The following TRIM66 variants were observed in gnomAD, a reference collection of about 807,000 sequenced individuals.
TRIM66 encodes tripartite motif containing 66, also known as tripartite motif-containing protein 66.
In TRIM66, 99 loss-of-function variants were observed where a neutral mutation model predicts 148.2. The observed-to-expected ratio is 0.67, with a 90% CI of 0.57 to 0.79. TRIM66 has a LOEUF of 0.79. Among genes scored for constraint, TRIM66 ranks in the 30% least tolerant of loss-of-function variants. The probability of loss-of-function intolerance (pLI) is 0.00; values close to 1 mark genes in which losing one functional copy is unlikely to be tolerated. For missense variants in TRIM66, 1,666 were observed against 1,697.9 expected (o/e 0.98, Z 0.33); for synonymous variants, 616 against 635.9 (o/e 0.97, Z 0.47).
intron 19 of TRIM66, 89 bp from the exon 20 acceptor site, chr11:8,621,410 C>G: frequency 6.9e-7 from 1 of 1,449,412 alleles, no homozygotes; most frequent in Non-Finnish European, 9.1e-7. Flanking sequence ...GCCCTGCATG[C>G]CTACATGAGA....
chr11:8,669,167 A>G (rs144768160), intron 6 of TRIM66, among the ~76,000 whole-genome samples: 4 of 152,312 alleles, frequency 2.6e-5, no homozygotes, highest in Non-Finnish European at 5.9e-5. Context: ...TTTGGTCCAA[A>G]GCATAGACTG....
At chr11:8,650,481 A>AAGGGAAGGAGGG (rs1243696324) in intron 7 of TRIM66, among the ~76,000 whole-genome samples, 10 of 143,190 alleles carry the variant, frequency 7.0e-5, no homozygotes, top group Admixed American at 2.8e-4. Context: ...GGGAAGGAGG[A>AAGGGAAGGAGGG]AGGGAAGGAG....
chr11:8,622,109 G>C (rs2034284153), intron 18 of TRIM66, among the ~76,000 whole-genome samples: 1 of 151,604 alleles, frequency 6.6e-6, no homozygotes, highest in Non-Finnish European at 1.5e-5. Flanking sequence ...GGAGAGACTG[G>C]CCTAGCCTCC....
intron 14 of TRIM66, 93 bp from the exon 15 acceptor site, chr11:8,638,908 G>GT: frequency 1.5e-6 from 2 of 1,322,534 alleles, no homozygotes; most frequent in Non-Finnish European, 2.0e-6. Context: ...ACCCTGCCAT[G>GT]TGCATCATCA....
At chr11:8,644,293 A>C in intron 12 of TRIM66, 1 of 369,860 alleles carries the variant, frequency 2.7e-6, no homozygotes, top group Admixed American at 3.6e-5. Context: ...GTGATTATGA[A>C]TTTCAGCAGC....
intron 6 of TRIM66, among the ~76,000 whole-genome samples, chr11:8,657,999 C>T (rs16938564): frequency 0.032 from 4,934 of 152,332 alleles, 250 homozygotes; most frequent in African/African-American, 0.11. Context: ...GCTTACCAAG[C>T]GCCCAGGAAC....
chr11:8,622,365 C>CACACACACACACATAT, intron 18 of TRIM66, among the ~76,000 whole-genome samples: 5 of 59,610 alleles, frequency 8.4e-5, no homozygotes, highest in Non-Finnish European at 1.2e-4. Context: ...CACACACACA[C>CACACACACACACATAT]ATATATATAT....
intron 19 of TRIM66, 39 bp downstream of exon 19, chr11:8,621,606 T>C: frequency 1.4e-6 from 2 of 1,478,324 alleles, no homozygotes; most frequent in Non-Finnish European, 1.8e-6. Context: ...GCTCTTAGGC[T>C]GGGCCAGGGT....
At chr11:8,656,295 TCA>T (rs2037823423) in intron 6 of TRIM66, among the ~76,000 whole-genome samples, 1 of 152,266 alleles carries the variant, frequency 6.6e-6, no homozygotes, top group African/African-American at 2.4e-5. Context: ...CATATTTAAA[TCA>T]CACTGCACAT....
At chr11:8,627,761 G>A (rs1227899544) in intron 15 of TRIM66, among the ~76,000 whole-genome samples, 1 of 152,186 alleles carries the variant, frequency 6.6e-6, no homozygotes, top group Non-Finnish European at 1.5e-5. Context: ...CCTTGCTAAA[G>A]TCACTCTGGG....
At chr11:8,678,019 G>C (rs1267317247) in intron 3 of TRIM66, 1 of 152,154 alleles carries the variant, frequency 6.6e-6, no homozygotes, top group Non-Finnish European at 1.5e-5. Flanking sequence ...AACCCCCAAG[G>C]CTAGGGAGGT....
intron 21 of TRIM66, 126 bp from the exon 22 acceptor site, chr11:8,620,250 A>T: frequency 7.7e-7 from 1 of 1,304,786 alleles, no homozygotes; most frequent in Non-Finnish European, 1.1e-6. Context: ...ACTAAGGCAC[A>T]ATTCAGGTTC....
chr11:8,628,636 A>AAAGAGAGAGAG (rs1555042270), intron 15 of TRIM66, among the ~76,000 whole-genome samples: 2 of 93,394 alleles, frequency 2.1e-5, no homozygotes, highest in Non-Finnish European at 4.7e-5. Context: ...AAAAAAAAAA[A>AAAGAGAGAGAG]AGAGAGAGAA....
At chr11:8,637,950 G>T (rs2036033628) in intron 15 of TRIM66, among the ~76,000 whole-genome samples, 1 of 152,220 alleles carries the variant, frequency 6.6e-6, no homozygotes. Flanking sequence ...TTGAGGATTT[G>T]TGGGGTTCTG....
At chr11:8,650,756 G>C (rs912584328) in intron 7 of TRIM66, among the ~76,000 whole-genome samples, 58 of 152,314 alleles carry the variant, frequency 3.8e-4, no homozygotes, top group Middle Eastern at 3.4e-3. Flanking sequence ...GGAAACACTT[G>C]AGCTGGATAC....
At chr11:8,624,245 G>A (rs2034586925) in intron 17 of TRIM66, 114 bp downstream of exon 17, 3 of 1,189,438 alleles carry the variant, frequency 2.5e-6, no homozygotes, top group African/African-American at 1.6e-5. Context: ...GCCTCAGAGA[G>A]ATGCACTGCT....
At chr11:8,622,042 G>A (rs1352508957) in intron 18 of TRIM66, among the ~76,000 whole-genome samples, 2 of 151,976 alleles carry the variant, frequency 1.3e-5, no homozygotes, top group Non-Finnish European at 2.9e-5. Context: ...CCTTAATTGG[G>A]TGGGCACCAT....
chr11:8,671,754 G>T, intron 6 of TRIM66, 32 bp downstream of exon 6: 1 of 932,222 alleles, frequency 1.1e-6, no homozygotes, highest in Non-Finnish European at 1.7e-6. Flanking sequence ...GTTATGTAGT[G>T]GGAGGTGAAC....
intron 15 of TRIM66, among the ~76,000 whole-genome samples, chr11:8,638,171 C>T (rs1343110699): frequency 6.6e-6 from 1 of 152,152 alleles, no homozygotes; most frequent in Admixed American, 6.5e-5. Flanking sequence ...AAAATATTTT[C>T]CCCATCTTCA....
Sources: allele counts gnomAD v4.1 joint callset (sites outside exome capture counted in the v4.1 genomes callset), GRCh38; gene constraint gnomAD v4.1.1; transcripts MANE v1.5; gene names NCBI Gene and HGNC (gene_info 2026-07-23, HGNC 2026-07-21).